The following BAIAP2 variants were observed in gnomAD, a reference collection of about 807,000 sequenced individuals.
The protein encoded by BAIAP2 is BAR/IMD domain containing adaptor protein 2.
In BAIAP2, 18 loss-of-function variants were observed where a neutral mutation model predicts 63.0. The ratio of observed to expected loss-of-function variants is 0.29; its 90% CI spans 0.20 to 0.42. The LOEUF is 0.42. Ranked by LOEUF, BAIAP2 falls within the 10% of genes least tolerant of loss-of-function variation. The pLI, the probability that BAIAP2 is intolerant of heterozygous loss-of-function variation, is 1.00. For synonymous variants in BAIAP2, 386 were observed against 307.6 expected (o/e 1.25, Z -2.67); for missense variants, 610 against 734.3 (o/e 0.83, Z 1.96).
At chr17:81,111,669 C>G (rs1367623204) in intron 13 of BAIAP2, among the ~76,000 whole-genome samples, 3 of 152,228 alleles carry the variant, frequency 2.0e-5, no homozygotes, top group African/African-American at 7.2e-5. Context: ...GGTCTGAGTC[C>G]ATTTCCTCAC....
At chr17:81,108,867 G>A (rs888559290) in intron 13 of BAIAP2, 7 of 1,472,542 alleles carry the variant, frequency 4.8e-6, no homozygotes, top group East Asian at 5.0e-5. Context: ...GGAGGCCAAC[G>A]GGAGCTGCTG....
intron 6 of BAIAP2, chr17:81,098,116 G>A (rs1407281115): frequency 1.4e-6 from 2 of 1,404,950 alleles, no homozygotes; most frequent in South Asian, 1.6e-5. Flanking sequence ...GGGTGGGGAG[G>A]CATGCTCCTC....
chr17:81,037,999 G>A (rs1183451144), intron 1 of BAIAP2, among the ~76,000 whole-genome samples: 2 of 152,276 alleles, frequency 1.3e-5, no homozygotes, highest in Non-Finnish European at 2.9e-5. Context: ...GAGGGGAGTG[G>A]AACGGCTTCC....
chr17:81,074,744 GAGTGCCTGTGTGTGTGCACGGATGCATA>G (rs2053367962), intron 3 of BAIAP2, among the ~76,000 whole-genome samples: 2 of 152,104 alleles, frequency 1.3e-5, no homozygotes, highest in African/African-American at 2.4e-5. Context: ...AGATGCGTGT[GAGTGCCTGTGTGTGTGCACGGATGCATA>G]AGTGCCTGTG....
chr17:81,098,502 G>T (rs984858954), intron 6 of BAIAP2, among the ~76,000 whole-genome samples: 3 of 151,968 alleles, frequency 2.0e-5, no homozygotes, highest in Admixed American at 6.6e-5. Flanking sequence ...ACAGTTCAGC[G>T]GCATTAGCGC....
chr17:81,086,854 C>T, intron 6 of BAIAP2: 1 of 418,412 alleles, frequency 2.4e-6, no homozygotes, highest in South Asian at 3.0e-5. Context: ...AAATGGAGTC[C>T]TCCCCTCTGT....
At chr17:81,062,552 C>G (rs2050747524) in intron 3 of BAIAP2, among the ~76,000 whole-genome samples, 1 of 152,200 alleles carries the variant, frequency 6.6e-6, no homozygotes, top group Admixed American at 6.5e-5. Flanking sequence ...TGGAGCCTCC[C>G]TGCTCCCTCG....
intron 6 of BAIAP2, among the ~76,000 whole-genome samples, chr17:81,099,323 G>A (rs960946709): frequency 7.9e-5 from 12 of 152,152 alleles, no homozygotes; most frequent in African/African-American, 2.9e-4. Context: ...GCCGGAGCCG[G>A]GTGGGAGAGG....
chr17:81,083,325 T>G (rs935687376), intron 3 of BAIAP2: 2 of 152,220 alleles, frequency 1.3e-5, no homozygotes, highest in African/African-American at 4.8e-5. Flanking sequence ...AGGCAGCCAT[T>G]CAGGGAGGGA....
At chr17:81,075,612 G>A (rs1007105604) in intron 3 of BAIAP2, among the ~76,000 whole-genome samples, 5 of 152,166 alleles carry the variant, frequency 3.3e-5, no homozygotes, top group Admixed American at 1.3e-4. Flanking sequence ...CTTTGAGAGC[G>A]TCCTGAGTGA....
At chr17:81,101,403 A>G (rs1260002122) in intron 7 of BAIAP2, among the ~76,000 whole-genome samples, 1 of 152,144 alleles carries the variant, frequency 6.6e-6, no homozygotes, top group Non-Finnish European at 1.5e-5. Flanking sequence ...AGGCAGGGCC[A>G]GCAGGCCCCT....
At position 81,046,941 on chromosome 17, in the gene BAIAP2, C is replaced by T. The variant is rs2143805241; in HGVS notation, c.55-6727C>T. Among the ~76,000 whole-genome samples, 1 of 152,314 alleles carries T rather than the reference C, an allele frequency of 6.6e-6. No homozygotes were observed. The highest frequency in any genetic ancestry group is 2.4e-5 in the African/African-American group (1 of 41,564). On this transcript the variant is annotated intron_variant, in intron 1 of 13. Transcript: ENST00000428708. The surrounding 1 kb of genome is among the most constrained non-coding windows in gnomAD (Gnocchi z 4.5). ...GGGAAGCCCCTCTGGCACTGCCGGC[C>T]CCGCAGCTGCCACCGGCTTCTGCCT...
chr17:81,043,516 C>CG (rs2143650142), intron 1 of BAIAP2, among the ~76,000 whole-genome samples: 1 of 152,324 alleles, frequency 6.6e-6, no homozygotes, highest in East Asian at 1.9e-4. Flanking sequence ...GGGGCCTGGG[C>CG]GGTGTCACTG....
intron 4 of BAIAP2, 159 bp from the exon 5 acceptor site, chr17:81,085,495 G>A: frequency 1.4e-6 from 1 of 708,520 alleles, no homozygotes; most frequent in Non-Finnish European, 2.6e-6. Context: ...GTGCACACGG[G>A]CATGCGGGGC....
intron 4 of BAIAP2, 32 bp from the exon 5 acceptor site, chr17:81,085,622 T>G (rs761822610): frequency 6.3e-7 from 1 of 1,592,652 alleles, no homozygotes; most frequent in South Asian, 1.1e-5. Context: ...GTGTTGGAGC[T>G]GACGGCTGAT....
chr17:81,113,814 G>A lies in BAIAP2; in HGVS notation c.1536-1956G>A, dbSNP rs117636472. On this transcript the variant is annotated intron_variant, in intron 13 of 13. Coordinates refer to ENST00000428708, the MANE Select transcript of BAIAP2 (RefSeq NM_001144888.2). ...GGGCTTCCTACCCCTGCAGCTCCCC[G>A]TGGGGTCCAGGCAAGCGATGTGCCT... Among the ~76,000 whole-genome samples, 116 of 152,292 alleles carry A rather than the reference G, an allele frequency of 7.6e-4. No homozygotes were observed. The East Asian group carries it at 0.021, about 27-fold the overall frequency.
At chr17:81,060,229 T>C (rs1408600625) in intron 3 of BAIAP2, among the ~76,000 whole-genome samples, 1 of 152,240 alleles carries the variant, frequency 6.6e-6, no homozygotes, top group African/African-American at 2.4e-5. Context: ...TGTACAGTTC[T>C]GTGGCTTAGT....
chr17:81,099,908 T>C lies in BAIAP2; in HGVS notation c.490-20T>C, dbSNP rs1021491859. ...CGTCCTTCCATCGCTGGCTGAGCCT[T>C]TCTCCCTTTCCCTCCACAGTACATC... On this transcript the variant is annotated intron_variant, in intron 6 of 13. Coordinates refer to ENST00000428708, the MANE Select transcript of BAIAP2 (RefSeq NM_001144888.2). 3 of 1,608,140 alleles carry C rather than the reference T, an allele frequency of 1.9e-6. No individual in the cohort carries two copies. In the African/African-American group the frequency reaches 4.0e-5, roughly 22 times the overall value.
intron 1 of BAIAP2, among the ~76,000 whole-genome samples, chr17:81,042,855 C>T (rs951619983): frequency 3.3e-5 from 5 of 152,048 alleles, no homozygotes; most frequent in African/African-American, 1.2e-4. Flanking sequence ...GGCCTTGCTG[C>T]TTCCAGGCGG....
Sources: allele counts gnomAD v4.1 joint callset (sites outside exome capture counted in the v4.1 genomes callset), GRCh38; gene constraint gnomAD v4.1.1; non-coding constraint Gnocchi (gnomAD v3.1); transcripts MANE v1.5; gene names NCBI Gene and HGNC (gene_info 2026-07-23, HGNC 2026-07-21).